HIPK2: variants seen among roughly 807,000 people sequenced by gnomAD.
HIPK2 encodes the protein homeodomain-interacting protein kinase 2.
A neutral mutation model predicts 113.7 loss-of-function variants in HIPK2; 27 were observed. The ratio of observed to expected loss-of-function variants is 0.24; its 90% CI spans 0.17 to 0.33. HIPK2 has a LOEUF of 0.33. HIPK2 is among the 10% of genes least tolerant of loss of function. The pLI, the probability that HIPK2 is intolerant of heterozygous loss-of-function variation, is 1.00. For synonymous variants in HIPK2, 631 were observed against 642.2 expected, an observed-to-expected ratio of 0.98 and a Z score of 0.26; for missense variants, 1,257 against 1,588.0, an observed-to-expected ratio of 0.79 and a Z score of 3.54.
rs147482368 is a variant in HIPK2 at position 139,712,496 on chromosome 7, G to T, written c.1103+3436C>A. On this transcript the variant is annotated intron_variant, in intron 2 of 14. Transcript: ENST00000406875. ...GTGCCCAGCTCAGATACAGGGGGCC[G>T]AGGGGAGAAAGTCCCCACCCACCAC... Among the ~76,000 whole-genome samples, 8 of 152,302 alleles carry T rather than the reference G, an allele frequency of 5.3e-5. No homozygotes were observed. The South Asian group carries it at 1.5e-3, about 28-fold the overall frequency.
At chr7:139,693,846 AC>A (rs1403290538) in intron 2 of HIPK2, among the ~76,000 whole-genome samples, 1 of 152,180 alleles carries the variant, frequency 6.6e-6, no homozygotes, top group Non-Finnish European at 1.5e-5. Flanking sequence ...ATTTCTAAAA[AC>A]ATGTGCACTT....
intron 1 of HIPK2, among the ~76,000 whole-genome samples, chr7:139,759,589 T>C (rs1796430007): frequency 6.6e-6 from 1 of 152,194 alleles, no homozygotes; most frequent in African/African-American, 2.4e-5. Context: ...ACTCTAAGGT[T>C]ATAAAAAAGA....
rs1800573713 is a variant in HIPK2 at position 139,630,569 on chromosome 7, T to C, written c.1347+596A>G. On this transcript the variant is annotated intron_variant, in intron 4 of 14. Coordinates refer to ENST00000406875, the MANE Select transcript of HIPK2 (RefSeq NM_022740.5). This position sits in a 1 kb window ranked among gnomAD's most constrained non-coding sequence, Gnocchi z 4.0. ...CATGCCACCACGCCCAGCTAATTTTTATACTTTTAGTAGAGACGGGGTTTC... is the reference window on the plus strand; with the variant it reads ...CATGCCACCACGCCCAGCTAATTTTCATACTTTTAGTAGAGACGGGGTTTC... Among the ~76,000 whole-genome samples the C allele has an allele frequency of 6.6e-6, 1 of 152,140 alleles. No individual in the cohort carries two copies. Among genetic ancestry groups the C allele is most frequent in the African/African-American group, 2.4e-5 (1 of 41,416 alleles).
At chr7:139,674,973 G>A (rs1394169474) in intron 2 of HIPK2, among the ~76,000 whole-genome samples, 3 of 152,132 alleles carry the variant, frequency 2.0e-5, no homozygotes, top group Non-Finnish European at 4.4e-5. Context: ...TTCTGCATTT[G>A]CCTTTGTCAT....
At chr7:139,718,100 C>T (rs1210232625) in intron 1 of HIPK2, among the ~76,000 whole-genome samples, 1 of 152,116 alleles carries the variant, frequency 6.6e-6, no homozygotes, top group African/African-American at 2.4e-5. Context: ...AACTTAGAAA[C>T]CTATGAGACC....
In HIPK2 at chr7:139,573,274, G is replaced by A; in HGVS notation, c.3250C>T (p.His1084Tyr). The change falls in exon 15 of 15, where the codon CAC becomes TAC. Residue 1084 changes from histidine (H) to tyrosine (Y), a missense_variant. His to Tyr is a moderately conservative substitution (Grantham distance 83, BLOSUM62 2). Transcript: ENST00000406875. ...PHNSPSHGTV[H>Y]PHLAAAAAAA... ...GCAGCGGCTGCAGCCAGATGCGGGT[G>A]CACAGTGCCGTGGCTGGGGCTGTTG... 2.5e-6 allele frequency: 4 copies of A among 1,604,812 alleles called. No homozygotes were observed. The highest frequency in any genetic ancestry group is 2.5e-6 in the Non-Finnish European group (3 of 1,179,776).
chr7:139,692,214 A>G (rs1315256664), intron 2 of HIPK2, among the ~76,000 whole-genome samples: 1 of 152,216 alleles, frequency 6.6e-6, no homozygotes, highest in Non-Finnish European at 1.5e-5. Context: ...AGAAATACAT[A>G]CATTTAATAA....
chr7:139,727,936 T>G (rs1454569894), intron 1 of HIPK2, among the ~76,000 whole-genome samples: 1 of 24,982 alleles, frequency 4.0e-5, no homozygotes, highest in African/African-American at 2.8e-4. Context: ...CATTGGCTAA[T>G]TTTTTTTTTT....
chr7:139,767,353 T>C (rs141018676), intron 1 of HIPK2, among the ~76,000 whole-genome samples: 75 of 152,332 alleles, frequency 4.9e-4, no homozygotes, highest in African/African-American at 1.7e-3. Flanking sequence ...GTTCTGTGTG[T>C]ACATCCACTT....
chr7:139,730,053 G>A (rs542751661), intron 1 of HIPK2, among the ~76,000 whole-genome samples: 1 of 152,312 alleles, frequency 6.6e-6, no homozygotes, highest in African/African-American at 2.4e-5. Context: ...AGCCTCAGAT[G>A]GACTTTTCCT....
intron 2 of HIPK2, among the ~76,000 whole-genome samples, chr7:139,651,271 C>T (rs899789191): frequency 3.9e-5 from 6 of 152,134 alleles, no homozygotes; most frequent in African/African-American, 1.4e-4. Flanking sequence ...CAAATGCAGG[C>T]AAGACTGAAC....
At position 139,594,374 on chromosome 7, in the gene HIPK2, C is replaced by T. The variant is rs558615859; in HGVS notation, c.2717+2343G>A. ...CTGCAGTTCCCAGCATAATATCTTA[C>T]ACTAGTGGGGCCAATAAATACTGAC... On this transcript the variant is annotated intron_variant, in intron 12 of 14. Transcript: ENST00000406875. Among the ~76,000 whole-genome samples the T allele has an allele frequency of 1.7e-4, 26 of 152,308 alleles. 1 individual carries two copies. The South Asian group carries it at 4.8e-3, about 28-fold the overall frequency.
At chr7:139,709,559 G>A (rs1795002775) in intron 2 of HIPK2, among the ~76,000 whole-genome samples, 1 of 152,200 alleles carries the variant, frequency 6.6e-6, no homozygotes, top group African/African-American at 2.4e-5. Context: ...ATGAGGCCAA[G>A]GTCAACCCAC....
At chr7:139,761,173 A>G (rs752535859) in intron 1 of HIPK2, among the ~76,000 whole-genome samples, 27 of 152,250 alleles carry the variant, frequency 1.8e-4, no homozygotes, top group Non-Finnish European at 3.7e-4. Context: ...TGTCAGGGTA[A>G]CCAGACGGCC....
intron 2 of HIPK2, among the ~76,000 whole-genome samples, chr7:139,690,304 G>C (rs1218378095): frequency 1.3e-5 from 2 of 152,244 alleles, no homozygotes; most frequent in East Asian, 3.9e-4. Flanking sequence ...AGGGCAGAGG[G>C]CCAAGAAGAG....
At chr7:139,661,517 A>G (rs1801866927) in intron 2 of HIPK2, among the ~76,000 whole-genome samples, 1 of 152,210 alleles carries the variant, frequency 6.6e-6, no homozygotes, top group Admixed American at 6.5e-5. Context: ...ACATATCCCC[A>G]GATCCTTCTA....
chr7:139,659,777 G>A (rs1801805154), intron 2 of HIPK2, among the ~76,000 whole-genome samples: 1 of 151,238 alleles, frequency 6.6e-6, no homozygotes, highest in Non-Finnish European at 1.5e-5. Context: ...TTTTCTTCCT[G>A]ACACCCTATT....
rs142911811 is a variant in HIPK2 at position 139,607,321 on chromosome 7, GA to G, written c.2113-3099del. Among the ~76,000 whole-genome samples, 191 of 148,506 alleles carry G rather than the reference GA, an allele frequency of 1.3e-3. 1 individual carries two copies. The highest frequency in any genetic ancestry group is 3.5e-3 in the African/African-American group (144 of 40,600). On this transcript the variant is annotated intron_variant, in intron 9 of 14. Transcript: ENST00000406875. ...AATGGAGGGGAAGAAATTATCAAAG[GA>G]AAAAAAAAATCCAGATTAAAAGGGC...
At chr7:139,585,705 G>C (rs1798811998) in intron 12 of HIPK2, among the ~76,000 whole-genome samples, 1 of 152,168 alleles carries the variant, frequency 6.6e-6, no homozygotes. Flanking sequence ...ACAACACATG[G>C]TAAGTATTCC....
Sources: allele counts gnomAD v4.1 joint callset (sites outside exome capture counted in the v4.1 genomes callset), GRCh38; gene constraint gnomAD v4.1.1; non-coding constraint Gnocchi (gnomAD v3.1); transcripts MANE v1.5; gene names NCBI Gene and HGNC (gene_info 2026-07-23, HGNC 2026-07-21).